Variants in FARSB observed in about 807,000 individuals in gnomAD.
The protein encoded by FARSB is phenylalanine--tRNA ligase beta subunit.
Under a neutral mutation model 69.6 loss-of-function variants are expected in FARSB, and 40 were observed. The ratio of observed to expected loss-of-function variants is 0.57; its 90% confidence interval spans 0.45 to 0.75. FARSB has a LOEUF of 0.75. Ranked by LOEUF, FARSB falls within the 30% of genes least tolerant of loss-of-function variation. The pLI, the probability that FARSB is intolerant of heterozygous loss-of-function variation, is 0.00. For synonymous variants in FARSB, 235 were observed against 247.2 expected (o/e 0.95, Z 0.46); for missense variants, 632 against 722.9 (o/e 0.87, Z 1.44).
At chr2:222,634,683 C>A in intron 5 of FARSB, 142 bp from the exon 6 acceptor site, 1 of 561,952 alleles carries the variant, frequency 1.8e-6, no homozygotes, top group South Asian at 3.6e-5. Context: ...AGATACTTCC[C>A]TGAAACAGCA....
chr2:222,627,297 T>C (rs1300780599), intron 10 of FARSB, among the ~76,000 whole-genome samples: 1 of 152,206 alleles, frequency 6.6e-6, no homozygotes, highest in Non-Finnish European at 1.5e-5. Context: ...GAAAAATGCC[T>C]GGGCACTGGG....
intron 14 of FARSB, among the ~76,000 whole-genome samples, chr2:222,617,866 G>C (rs1285495722): frequency 1.3e-5 from 2 of 152,216 alleles, no homozygotes; most frequent in African/African-American, 2.4e-5. Flanking sequence ...CTGGGCAAGA[G>C]AGCGAAGCTC....
chr2:222,587,782 C>T (rs1054587203), intron 16 of FARSB, among the ~76,000 whole-genome samples: 7 of 152,172 alleles, frequency 4.6e-5, no homozygotes, highest in African/African-American at 1.7e-4. Context: ...TTCCTTGACA[C>T]ATACACCCTC....
chr2:222,627,444 A>G (rs1691308038), intron 10 of FARSB, among the ~76,000 whole-genome samples: 1 of 152,210 alleles, frequency 6.6e-6, no homozygotes, highest in Non-Finnish European at 1.5e-5. Context: ...ATCCCAGATC[A>G]TCCAGTTGCT....
chr2:222,618,156 C>T (rs543481490), intron 14 of FARSB, among the ~76,000 whole-genome samples: 1 of 152,078 alleles, frequency 6.6e-6, no homozygotes, highest in Non-Finnish European at 1.5e-5. Flanking sequence ...AAAGTTCTGA[C>T]CCTAAGTATA....
intron 15 of FARSB, among the ~76,000 whole-genome samples, chr2:222,604,204 C>A (rs1464875365): frequency 2.1e-5 from 3 of 143,658 alleles, no homozygotes; most frequent in African/African-American, 5.2e-5. Flanking sequence ...AGCAACAGAG[C>A]GAGACTCCGT....
intron 15 of FARSB, among the ~76,000 whole-genome samples, chr2:222,601,979 A>G (rs1421287953): frequency 6.6e-6 from 1 of 152,200 alleles, no homozygotes; most frequent in Non-Finnish European, 1.5e-5. Context: ...ATATTTTAAA[A>G]AAGAATTCCA....
In FARSB at chr2:222,586,384, C is replaced by A. The variant is rs191067236; in HGVS notation, c.1618+13544G>T. ...AGCACTAAACATGGAAAGGAACAAC[C>A]GGTACCAGCCACTGCAAAAACATAC... On this transcript the variant is annotated intron_variant, in intron 16 of 16. Transcript: ENST00000281828. 2.0e-5 allele frequency among the ~76,000 whole-genome samples: 3 copies of A among 152,096 alleles called. No homozygotes were observed. The South Asian group carries it at 6.2e-4, about 32-fold the overall frequency.
At chr2:222,640,796 C>A in intron 4 of FARSB, 66 bp downstream of exon 4, 1 of 780,774 alleles carries the variant, frequency 1.3e-6, no homozygotes, top group Non-Finnish European at 2.1e-6. Context: ...CTCTTTCCTC[C>A]CCACTTTATA....
chr2:222,612,115 A>G (rs1187130470), intron 15 of FARSB, among the ~76,000 whole-genome samples: 1 of 152,238 alleles, frequency 6.6e-6, no homozygotes, highest in African/African-American at 2.4e-5. Flanking sequence ...TGACAATGGA[A>G]TTATATCAAA....
intron 10 of FARSB, among the ~76,000 whole-genome samples, chr2:222,625,502 C>A (rs1691245943): frequency 6.6e-6 from 1 of 152,190 alleles, no homozygotes; most frequent in South Asian, 2.1e-4. Flanking sequence ...GTCCTCAGAG[C>A]AGAAGCACTA....
intron 16 of FARSB, among the ~76,000 whole-genome samples, chr2:222,599,430 G>A (rs984823157): frequency 2.0e-5 from 3 of 152,172 alleles, no homozygotes; most frequent in Middle Eastern, 3.2e-3. Flanking sequence ...TTTTATACAC[G>A]AGGATTCCCA....
chr2:222,624,789 A>C lies in FARSB; in HGVS notation c.901-14T>G, dbSNP rs764941887. 5.9e-6 allele frequency: 9 copies of C among 1,520,080 alleles called. No homozygotes were observed. Among genetic ancestry groups the C allele is most frequent in the Non-Finnish European group, 8.2e-6 (9 of 1,104,222 alleles). The allele number at this position is 1,520,080 out of a possible 1,614,324, so 94.2% of individuals were successfully genotyped here. A position where few individuals can be genotyped will look rare whatever the true frequency, so the allele number is the denominator to read the frequency against. On this transcript the variant is annotated splice_polypyrimidine_tract_variant and intron_variant, in intron 10 of 16. Coordinates refer to ENST00000281828, the MANE Select transcript of FARSB (RefSeq NM_005687.5). ...GTAAGCTAATTCCTTAAATAGAAAG[A>C]GTTTAAAAAGTAAATCATTTCCCAT...
intron 7 of FARSB, among the ~76,000 whole-genome samples, chr2:222,632,765 G>A (rs1691465637): frequency 6.6e-6 from 1 of 151,376 alleles, no homozygotes; most frequent in Admixed American, 6.6e-5. Context: ...AGTAAGCCAT[G>A]ACTGCACCAC....
At chr2:222,639,950 T>G (rs1488325503) in intron 4 of FARSB, among the ~76,000 whole-genome samples, 1 of 152,206 alleles carries the variant, frequency 6.6e-6, no homozygotes, top group African/African-American at 2.4e-5. Flanking sequence ...AATTCATATA[T>G]TTACCAAACA....
intron 2 of FARSB, among the ~76,000 whole-genome samples, chr2:222,643,364 A>C (rs975218456): frequency 4.6e-5 from 7 of 152,246 alleles, no homozygotes; most frequent in Non-Finnish European, 8.8e-5. Context: ...ATTCATTTAC[A>C]TATTATCTAC....
chr2:222,573,673 C>A (rs186572333), intron 16 of FARSB, among the ~76,000 whole-genome samples: 1 of 152,126 alleles, frequency 6.6e-6, no homozygotes, highest in East Asian at 1.9e-4. Flanking sequence ...TGATGGTAAG[C>A]AATATAATCA....
intron 1 of FARSB, among the ~76,000 whole-genome samples, chr2:222,649,368 T>G (rs1691966752): frequency 6.6e-6 from 1 of 152,116 alleles, no homozygotes; most frequent in South Asian, 2.1e-4. Context: ...GAAGTTTGCA[T>G]GTACACAGAA....
rs185676906 is a variant in FARSB, at chr2:222,637,488, G to A, written c.455+2092C>T. Reference sequence around the variant, plus strand: ...ACATGCAGCTGAGAAAACTACCCAAGGCCAGGAAAGAATTACTCAACGGAA... The same window carrying A: ...ACATGCAGCTGAGAAAACTACCCAAAGCCAGGAAAGAATTACTCAACGGAA... On this transcript the variant is annotated intron_variant, in intron 5 of 16. Transcript: ENST00000281828. Among the ~76,000 whole-genome samples, 11 of 152,274 alleles carry A rather than the reference G, an allele frequency of 7.2e-5. No homozygotes were observed. The East Asian group carries it at 2.1e-3, about 29-fold the overall frequency.
Sources: gnomAD v4.1 joint callset for allele counts (sites outside exome capture counted in the v4.1 genomes callset) on GRCh38, gnomAD v4.1.1 for gene constraint, MANE v1.5 for transcripts, NCBI Gene and HGNC (gene_info 2026-07-23, HGNC 2026-07-21) for gene names.